Variants in TAOK2 observed in about 807,000 individuals in gnomAD.
The protein encoded by TAOK2 is serine/threonine-protein kinase TAO2.
A neutral mutation model predicts 122.5 loss-of-function variants in TAOK2; 42 were observed. That is an observed-to-expected ratio of 0.34 (90% confidence interval 0.27 to 0.44). The LOEUF (loss-of-function observed/expected upper bound fraction) is 0.44, where lower values mean the gene tolerates loss of function less well. Ranked by LOEUF, TAOK2 falls within the 20% of genes least tolerant of loss-of-function variation. TAOK2 has a pLI of 1.00. For missense variants in TAOK2, 1,264 were observed against 1,644.9 expected (o/e 0.77, Z 4.01); for synonymous variants, 704 against 677.6 (o/e 1.04, Z -0.61).
Position 29,979,608 on chromosome 16 carries a change from C to T in TAOK2, c.655+100C>T. On this transcript the variant is annotated intron_variant, in intron 8 of 15. Coordinates refer to ENST00000308893, the MANE Select transcript of TAOK2 (RefSeq NM_016151.4). The surrounding 1 kb of genome is among the most constrained non-coding windows in gnomAD (Gnocchi z 4.1). ...CTTCTCCTAGGGATGGGATCCCAGG[C>T]CTCCAAGTTCCTGTCCGTTGTGACT... The T allele has an allele frequency of 2.1e-6, 2 of 956,680 alleles. No homozygotes were observed. Among genetic ancestry groups the T allele is most frequent in the Non-Finnish European group, 3.0e-6 (2 of 663,410 alleles). The allele number at this position is 956,680 out of a possible 1,614,324, so 59.3% of individuals were successfully genotyped here.
chr16:29,979,425 C>A lies in TAOK2; in HGVS notation c.572C>A (p.Pro191His). 1 of 1,587,404 alleles carries A rather than the reference C, an allele frequency of 6.3e-7. No individual in the cohort carries two copies. The highest frequency in any genetic ancestry group is 1.1e-5 in the South Asian group (1 of 87,100). Reference sequence around the variant, plus strand: ...CCTGACCATTCTCCTAGGATGGCACCCGAGGTGATCCTGGCCATGGATGAG... The same window carrying A: ...CCTGACCATTCTCCTAGGATGGCACACGAGGTGATCCTGGCCATGGATGAG... ...SFVGTPYWMAPEVILAMDEGQ... is the reference protein window; with the variant it reads ...SFVGTPYWMAHEVILAMDEGQ... Residue 191 changes from proline to histidine, a missense_variant, in exon 8 of 16, where the codon CCC becomes CAC. Transcript: ENST00000308893. This position sits in a 1 kb window ranked among gnomAD's most constrained non-coding sequence, Gnocchi z 4.1.
At chr16:29,978,523 T>G (rs966047199) in intron 4 of TAOK2, among the ~76,000 whole-genome samples, 170 bp downstream of exon 4, 1 of 152,192 alleles carries the variant, frequency 6.6e-6, no homozygotes, top group Admixed American at 6.5e-5. Context: ...AGCAAAAGCC[T>G]GGCTCAGTGA....
At chr16:29,978,915 A>G in intron 5 of TAOK2, 59 bp from the exon 6 acceptor site, 1 of 1,613,130 alleles carries the variant, frequency 6.2e-7, no homozygotes, top group Admixed American at 1.7e-5. Context: ...GGTTAAGGGG[A>G]GTTTATTCCA....
chr16:29,992,090 CT>C (rs878891173), downstream of TAOK2: 918 of 137,600 alleles, frequency 6.7e-3, 1 homozygote, highest in African/African-American at 9.3e-3. Flanking sequence ...TGTCCTTTAT[CT>C]TTTTTTTTTT....
chr16:29,979,615 G>T lies in TAOK2; in HGVS notation c.655+107G>T. The T allele has an allele frequency of 2.2e-6, 2 of 911,504 alleles. No individual in the cohort carries two copies. Among genetic ancestry groups the T allele is most frequent in the Non-Finnish European group, 3.2e-6 (2 of 622,114 alleles). The allele number at this position is 911,504 out of a possible 1,614,324, so 56.5% of individuals were successfully genotyped here. On this transcript the variant is annotated intron_variant, in intron 8 of 15. Transcript: ENST00000308893. This position sits in a 1 kb window ranked among gnomAD's most constrained non-coding sequence, Gnocchi z 4.1. ...TAGGGATGGGATCCCAGGCCTCCAA[G>T]TTCCTGTCCGTTGTGACTCTACCCT...
chr16:29,979,589 C>T lies in TAOK2; in HGVS notation c.655+81C>T. ...CCAGACTCCGGACTACCCCCTTCTC[C>T]TAGGGATGGGATCCCAGGCCTCCAA... On this transcript the variant is annotated intron_variant, in intron 8 of 15. Transcript: ENST00000308893. This position sits in a 1 kb window ranked among gnomAD's most constrained non-coding sequence, Gnocchi z 4.1. 2 of 1,177,874 alleles carry T rather than the reference C, an allele frequency of 1.7e-6. No individual in the cohort carries two copies. The highest frequency in any genetic ancestry group is 1.7e-5 in the South Asian group (1 of 57,424). The allele number at this position is 1,177,874 out of a possible 1,614,324, so 73.0% of individuals were successfully genotyped here.
intron 1 of TAOK2, among the ~76,000 whole-genome samples, chr16:29,975,554 G>C (rs935869527): frequency 6.6e-6 from 1 of 152,214 alleles, no homozygotes; most frequent in African/African-American, 2.4e-5. Flanking sequence ...GCTCTACTCA[G>C]AAGCTTTTCC....
Position 29,979,751 on chromosome 16 carries a change from C to T in TAOK2, c.655+243C>T, listed in dbSNP as rs2069561661. Among the ~76,000 whole-genome samples the T allele has an allele frequency of 6.6e-6, 1 of 152,174 alleles. No individual in the cohort carries two copies. The highest frequency in any genetic ancestry group is 6.5e-5 in the Admixed American group (1 of 15,284). On this transcript the variant is annotated intron_variant, in intron 8 of 15. Coordinates refer to ENST00000308893, the MANE Select transcript of TAOK2 (RefSeq NM_016151.4). The surrounding 1 kb of genome is among the most constrained non-coding windows in gnomAD (Gnocchi z 4.1). ...TGGTTCTGAATCTTTTCTTAGTGCC[C>T]ACCATGTGCTGTGCCATGGACTGTG...
intron 10 of TAOK2, 35 bp downstream of exon 10, chr16:29,981,975 T>C (rs761767183): frequency 1.9e-6 from 3 of 1,557,496 alleles, no homozygotes; most frequent in Non-Finnish European, 2.6e-6. Flanking sequence ...CTCCTGGAAC[T>C]GTAGCTTGTT....
In TAOK2 at chr16:29,987,237, C is replaced by G. The variant is rs903731476; in HGVS notation, c.2965C>G (p.Leu989Val). 1 of 1,537,804 alleles carries G rather than the reference C, an allele frequency of 6.5e-7. No homozygotes were observed. Among genetic ancestry groups the G allele is most frequent in the South Asian group, 1.3e-5 (1 of 76,958 alleles). The change falls in exon 16 of 16, where the codon CTG (leucine) becomes GTG (valine). Residue 989 changes from leucine to valine, a missense_variant. This residue lies in a region of TAOK2 where 824 missense variants were observed against 908.7 expected (regional missense o/e 0.91). Coordinates refer to ENST00000308893, the MANE Select transcript of TAOK2 (RefSeq NM_016151.4). ...GGGTGGGGGTGGCCTGCAGGCAGCG[C>G]TGCTGGCCCTTGAGGTGGGGCTGGT... ...AQGGGGLQAA[L>V]LALEVGLVGL...
Position 29,987,576 on chromosome 16 carries a change from G to T in TAOK2, c.3304G>T (p.Gly1102Cys). The T allele has an allele frequency of 6.2e-7, 1 of 1,612,290 alleles. No homozygotes were observed. The highest frequency in any genetic ancestry group is 1.1e-5 in the South Asian group (1 of 90,958). The change falls in exon 16 of 16, where the codon GGC becomes TGC. Residue 1102 changes from glycine to cysteine, a missense_variant. This residue lies in a region of TAOK2 where 824 missense variants were observed against 908.7 expected (regional missense o/e 0.91). Transcript: ENST00000308893. ...LSPMAFRALQ[G>C]CGAVGDRGLF... ...ACCCATGGCCTTCCGGGCCCTGCAG[G>T]GCTGTGGGGCTGTGGGGGACCGGGG...
Position 29,983,320 on chromosome 16 carries a change from C to G in TAOK2, c.1248C>G (p.Ile416Met), listed in dbSNP as rs1296704379. ...CAGTCACCTCTCACAGCTCCATTAT[C>G]CACCGGCTGCCGGTACACAGCTCAC... ...EHTVTSHSSI[I>M]HRLPGSDNLY... is the part of the protein sequence containing the mutation. Residue 416 changes from isoleucine (I) to methionine (M), a missense_variant, in exon 12 of 16, where the codon ATC (isoleucine) becomes ATG (methionine). Ile to Met is a conservative substitution (Grantham distance 10, BLOSUM62 1). Coordinates refer to ENST00000308893, the MANE Select transcript of TAOK2 (RefSeq NM_016151.4). The G allele has an allele frequency of 6.3e-7, 1 of 1,597,500 alleles. No homozygotes were observed.
In TAOK2 at chr16:29,985,507, A is replaced by C. The variant is rs751737195; in HGVS notation, c.1717A>C (p.Lys573Gln). The C allele has an allele frequency of 5.6e-6, 9 of 1,611,732 alleles. No individual in the cohort carries two copies. The highest frequency in any genetic ancestry group is 1.7e-5 in the Admixed American group (1 of 59,846). Residue 573 changes from lysine (K) to glutamine (Q), a missense_variant, in exon 14 of 16, where the codon AAG becomes CAG. Coordinates refer to ENST00000308893, the MANE Select transcript of TAOK2 (RefSeq NM_016151.4). This position sits in a 1 kb window ranked among gnomAD's most constrained non-coding sequence, Gnocchi z 6.9. The stretch of plus-strand genomic sequence containing the variant: ...CCAGCAGCACATCCTTGGGCAGCAG[A>C]AGAAGGAGCTGGCTGCCCTGCTGGA... ...KFQQHILGQQ[K>Q]KELAALLEAQ...
rs749234269 is a variant in TAOK2, at chr16:29,986,748, C to T, written c.2476C>T (p.Pro826Ser). 19 of 1,613,896 alleles carry T rather than the reference C, an allele frequency of 1.2e-5. No individual in the cohort carries two copies. Among genetic ancestry groups the T allele is most frequent in the Non-Finnish European group, 1.3e-5 (15 of 1,179,990 alleles). Residue 826 changes from proline to serine, a missense_variant, in exon 16 of 16, where the codon CCC becomes TCC. By Grantham distance (74) the Pro-to-Ser change is moderately conservative (BLOSUM62 -1). Around this residue, in one of 4 missense-constraint regions of TAOK2, gnomAD observed 824 missense variants for 908.7 expected, o/e 0.91. Coordinates refer to ENST00000308893, the MANE Select transcript of TAOK2 (RefSeq NM_016151.4). This position sits in a 1 kb window ranked among gnomAD's most constrained non-coding sequence, Gnocchi z 4.2. ...ILGEESGAPS[P>S]SPQKHGSLVD... ...GGGGGAAGAATCAGGAGCCCCTAGTCCCAGTCCACAAAAACATGGGAGCCT... is the reference window on the plus strand; with the variant it reads ...GGGGGAAGAATCAGGAGCCCCTAGTTCCAGTCCACAAAAACATGGGAGCCT...
In TAOK2 at chr16:29,979,140, C is replaced by G; in HGVS notation, c.450-55C>G. 1 of 1,611,762 alleles carries G rather than the reference C, an allele frequency of 6.2e-7. No individual in the cohort carries two copies. The highest frequency in any genetic ancestry group is 8.5e-7 in the Non-Finnish European group (1 of 1,177,874). ...ACCACCTGTCACTTAGCTGGGCTGC[C>G]CCTGCCTAGCTTTCTTGAGACACAT... On this transcript the variant is annotated intron_variant, in intron 6 of 15. Coordinates refer to ENST00000308893, the MANE Select transcript of TAOK2 (RefSeq NM_016151.4). The surrounding 1 kb of genome is among the most constrained non-coding windows in gnomAD (Gnocchi z 4.1).
In TAOK2 at chr16:29,983,680, C is replaced by G; in HGVS notation, c.1422+16C>G. The G allele has an allele frequency of 6.3e-7, 1 of 1,591,690 alleles. No homozygotes were observed. The stretch of plus-strand genomic sequence containing the variant: ...CGCCTCCCTGGTGAGTGTAGCCATC[C>G]TCACTCAGCCTGCTCGCTGTCTGTT... On this transcript the variant is annotated intron_variant, in intron 13 of 15. Transcript: ENST00000308893.
downstream of TAOK2, chr16:29,990,429 T>C: frequency 5.3e-6 from 1 of 189,980 alleles, no homozygotes; most frequent in Non-Finnish European, 1.1e-5. Context: ...TTAATATTTC[T>C]TGGACATCTT....
chr16:29,981,013 A>G (rs1165860382), intron 8 of TAOK2: 2 of 152,972 alleles, frequency 1.3e-5, no homozygotes, highest in African/African-American at 4.8e-5. Context: ...TTATTTGATT[A>G]TTACTTTTGG....
chr16:29,977,796 G>A lies in TAOK2; in HGVS notation c.24G>A (p.Gly8=), dbSNP rs777833063. 4.3e-6 allele frequency: 7 copies of A among 1,614,072 alleles called. No individual in the cohort carries two copies. Among genetic ancestry groups the A allele is most frequent in the African/African-American group, 4.0e-5 (3 of 74,938 alleles). MPAGGRA[G]SLKDPDVAEL... ...CCATGCCAGCTGGGGGCCGGGCCGG[G>A]AGCCTGAAGGACCCAGATGTGGCTG... The change falls in exon 2 of 16, where the codon GGG becomes GGA. Residue 8 remains glycine (G), a synonymous_variant. Transcript: ENST00000308893.
Sources: gnomAD v4.1 joint callset for allele counts (sites outside exome capture counted in the v4.1 genomes callset) on GRCh38, gnomAD v4.1.1 for gene constraint, gnomAD v4.1.1 regional missense constraint, Gnocchi (gnomAD v3.1) non-coding constraint, MANE v1.5 for transcripts, NCBI Gene and HGNC (gene_info 2026-07-23, HGNC 2026-07-21) for gene names.